NTM: variants seen among roughly 807,000 people sequenced by gnomAD.
The protein encoded by NTM is IgLON family member 2.
A neutral mutation model predicts 42.1 loss-of-function variants in NTM; 13 were observed. The ratio of observed to expected loss-of-function variants is 0.31; its 90% CI spans 0.20 to 0.49. NTM has a LOEUF of 0.49. Ranked by LOEUF, NTM falls within the 20% of genes least tolerant of loss-of-function variation. NTM has a pLI of 0.99. For synonymous variants in NTM, 187 were observed against 179.2 expected (o/e 1.04, Z -0.35); for missense variants, 373 against 452.8 (o/e 0.82, Z 1.60).
intron 1 of NTM, among the ~76,000 whole-genome samples, chr11:131,477,440 A>T (rs1953071886): frequency 6.6e-6 from 1 of 151,704 alleles, no homozygotes; most frequent in Admixed American, 6.6e-5. Flanking sequence ...AGCATCTAAT[A>T]TGAACCAGGT....
chr11:132,191,380 C>A (rs1289669959), intron 3 of NTM, among the ~76,000 whole-genome samples: 1 of 152,198 alleles, frequency 6.6e-6, no homozygotes, highest in Non-Finnish European at 1.5e-5. Flanking sequence ...AGTTCCAGCC[C>A]AACAGGGTTA....
At chr11:132,291,827 A>G (rs1352650177) in intron 4 of NTM, among the ~76,000 whole-genome samples, 1 of 152,220 alleles carries the variant, frequency 6.6e-6, no homozygotes, top group Admixed American at 6.5e-5. Flanking sequence ...TGTGCCATGA[A>G]TTTGGACACA....
intron 1 of NTM, among the ~76,000 whole-genome samples, chr11:131,572,135 C>T (rs2057497755): frequency 6.6e-6 from 1 of 152,164 alleles, no homozygotes; most frequent in Non-Finnish European, 1.5e-5. Flanking sequence ...CGGGTGCCCT[C>T]TCGCATGCAG....
chr11:131,470,471 A>C (rs567383058), intron 1 of NTM, among the ~76,000 whole-genome samples: 4 of 152,318 alleles, frequency 2.6e-5, no homozygotes, highest in Admixed American at 2.6e-4. Context: ...ATGAGAGAGT[A>C]ATTAATCTTG....
intron 2 of NTM, among the ~76,000 whole-genome samples, chr11:131,934,328 G>T (rs748297483): frequency 2.6e-5 from 4 of 152,194 alleles, no homozygotes; most frequent in African/African-American, 9.7e-5. Context: ...AATGGGCTCT[G>T]CAGTCAGCTG....
intron 1 of NTM, among the ~76,000 whole-genome samples, chr11:131,615,503 T>A (rs2061837640): frequency 6.6e-6 from 1 of 152,102 alleles, no homozygotes. Context: ...GTAGCTGGGA[T>A]TACAGGCACC....
intron 1 of NTM, among the ~76,000 whole-genome samples, chr11:131,736,140 A>G (rs554823061): frequency 7.2e-5 from 11 of 152,204 alleles, no homozygotes; most frequent in Non-Finnish European, 1.6e-4. Flanking sequence ...GCCTCATGAG[A>G]TAAATATTAA....
chr11:132,171,434 C>G (rs375978175), intron 3 of NTM, among the ~76,000 whole-genome samples: 1 of 152,146 alleles, frequency 6.6e-6, no homozygotes, highest in Admixed American at 6.5e-5. Flanking sequence ...TCATTGATGA[C>G]GACACCTTTT....
In NTM at chr11:131,541,289, G is replaced by A. The variant is rs146522170; in HGVS notation, c.82+170401G>A. ...CATCCCGAACCCAGCACTAACTGATGAAATTACGGAGGCTGTTAAACATCA... is the reference window on the plus strand; with the variant it reads ...CATCCCGAACCCAGCACTAACTGATAAAATTACGGAGGCTGTTAAACATCA... On this transcript the variant is annotated intron_variant, in intron 1 of 8. Coordinates refer to ENST00000683400, the MANE Select transcript of NTM (RefSeq NM_001352005.2). 1.8e-4 allele frequency among the ~76,000 whole-genome samples: 27 copies of A among 152,324 alleles called. No homozygotes were observed. The East Asian group carries it at 3.3e-3, about 19-fold the overall frequency.
chr11:132,210,270 C>T (rs2082631919), intron 3 of NTM, among the ~76,000 whole-genome samples: 1 of 152,126 alleles, frequency 6.6e-6, no homozygotes, highest in East Asian at 1.9e-4. Context: ...ATGGAGGGGA[C>T]ACTTAACTTG....
At chr11:132,280,635 G>A (rs1196565252) in intron 4 of NTM, among the ~76,000 whole-genome samples, 2 of 151,898 alleles carry the variant, frequency 1.3e-5, no homozygotes, top group African/African-American at 2.4e-5. Flanking sequence ...ACAGGTGCAT[G>A]CCACCACACC....
intron 2 of NTM, among the ~76,000 whole-genome samples, chr11:132,075,947 T>C (rs2058307091): frequency 6.6e-6 from 1 of 152,188 alleles, no homozygotes; most frequent in South Asian, 2.1e-4. Flanking sequence ...TGAACTAAGG[T>C]AAATGTCGAC....
intron 1 of NTM, among the ~76,000 whole-genome samples, chr11:131,606,730 T>A (rs2060994006): frequency 6.6e-6 from 1 of 152,204 alleles, no homozygotes; most frequent in Admixed American, 6.5e-5. Flanking sequence ...AGCAAGTACA[T>A]TTTGTTTCTT....
chr11:131,981,545 G>A (rs1423534515), intron 2 of NTM: 2 of 152,190 alleles, frequency 1.3e-5, no homozygotes, highest in Non-Finnish European at 2.9e-5. Context: ...TGCTTACTCT[G>A]TGTTCCCAGA....
chr11:131,773,387 A>G (rs1367803404), intron 1 of NTM, among the ~76,000 whole-genome samples: 3 of 152,252 alleles, frequency 2.0e-5, no homozygotes, highest in African/African-American at 7.2e-5. Flanking sequence ...AGTGACACAT[A>G]TGTTCAAACC....
intron 2 of NTM, among the ~76,000 whole-genome samples, chr11:131,969,466 A>G (rs1051937459): frequency 1.3e-5 from 2 of 152,204 alleles, no homozygotes; most frequent in African/African-American, 4.8e-5. Context: ...TTCTTGACAT[A>G]TGCTGTTTGT....
rs374130802 is a variant in NTM, at chr11:132,037,728, C to T, written c.168-108554C>T. Among the ~76,000 whole-genome samples the T allele has an allele frequency of 2.2e-4, 34 of 152,284 alleles. No individual in the cohort carries two copies. The South Asian group carries it at 6.6e-3, about 30-fold the overall frequency. On this transcript the variant is annotated intron_variant, in intron 2 of 8. Transcript: ENST00000683400. The stretch of plus-strand genomic sequence containing the variant: ...ATTAACACGCTCTCCTACTTCCCTC[C>T]AATGAAAACACCTTGCTGATTTAAT...
Position 132,322,096 on chromosome 11 carries a change from G to A in NTM, c.934+7393G>A, listed in dbSNP as rs562014197. ...AACAGGCCAAAATGTAAAGACCATC[G>A]AGACTAGGAAGAAACTGCATCAACT... On this transcript the variant is annotated intron_variant, in intron 7 of 8. Coordinates refer to ENST00000683400, the MANE Select transcript of NTM (RefSeq NM_001352005.2). Among the ~76,000 whole-genome samples the A allele has an allele frequency of 2.2e-4, 33 of 152,068 alleles. No homozygotes were observed. In the East Asian group the frequency reaches 3.5e-3, roughly 16 times the overall value.
intron 1 of NTM, among the ~76,000 whole-genome samples, chr11:131,819,457 C>G (rs1317882332): frequency 6.6e-6 from 1 of 152,294 alleles, no homozygotes; most frequent in Admixed American, 6.5e-5. Context: ...CTCATTCACT[C>G]ATTCATTCAT....
Sources: allele counts gnomAD v4.1 joint callset (sites outside exome capture counted in the v4.1 genomes callset), GRCh38; gene constraint gnomAD v4.1.1; transcripts MANE v1.5; gene names NCBI Gene and HGNC (gene_info 2026-07-23, HGNC 2026-07-21).